The following EMC2 variants were observed in gnomAD, a reference collection of about 807,000 sequenced individuals.
EMC2 encodes the protein ER membrane protein complex subunit 2, also known as TPR repeat protein 35.
Under a neutral mutation model 51.6 loss-of-function variants are expected in EMC2, and 37 were observed. That is an observed-to-expected ratio of 0.72 (90% CI 0.55 to 0.94). EMC2 has a LOEUF of 0.94. EMC2 is among the 40% of genes least tolerant of loss of function. The probability of loss-of-function intolerance (pLI) is 0.00; values close to 1 mark genes in which losing one functional copy is unlikely to be tolerated. For missense variants in EMC2, 359 were observed against 350.9 expected (o/e 1.02, Z -0.18); for synonymous variants, 131 against 112.4 (o/e 1.17, Z -1.04).
intron 10 of EMC2, among the ~76,000 whole-genome samples, chr8:108,483,420 C>G (rs1811081583): frequency 6.6e-6 from 1 of 152,146 alleles, no homozygotes; most frequent in Non-Finnish European, 1.5e-5. Context: ...CAGACAAGCA[C>G]TGATCTGATT....
intron 10 of EMC2, among the ~76,000 whole-genome samples, chr8:108,481,889 C>T (rs1044755328): frequency 2.0e-5 from 3 of 152,008 alleles, no homozygotes; most frequent in Non-Finnish European, 2.9e-5. Context: ...CATTCATTTT[C>T]TTCTGTAGTT....
intron 10 of EMC2, among the ~76,000 whole-genome samples, chr8:108,486,117 G>A (rs1811133038): frequency 6.6e-6 from 1 of 151,862 alleles, no homozygotes; most frequent in African/African-American, 2.4e-5. Context: ...GTAAAAATCT[G>A]TTTAGACATC....
At chr8:108,462,899 T>G (rs1819365233) in intron 5 of EMC2, among the ~76,000 whole-genome samples, 1 of 151,738 alleles carries the variant, frequency 6.6e-6, no homozygotes, top group African/African-American at 2.4e-5. Context: ...AGAACATCTT[T>G]TAATATTCTT....
At chr8:108,443,825 C>T (rs1005692527) in intron 1 of EMC2, 127 bp downstream of exon 1, 17 of 781,170 alleles carry the variant, frequency 2.2e-5, no homozygotes, top group Admixed American at 6.9e-5. Flanking sequence ...ACTGTACGGG[C>T]CAAGCTGAGG....
Position 108,443,632 on chromosome 8 carries a change from A to G in EMC2, c.-27A>G, listed in dbSNP as rs1339231171. 1.9e-6 allele frequency: 3 copies of G among 1,600,066 alleles called. No homozygotes were observed. The highest frequency in any genetic ancestry group is 1.7e-5 in the Admixed American group (1 of 58,310). ...CGTGACTGCGTCTCCCCGCCCTCTC[A>G]CCCCGCTGCCTCTAGGTTCTGGGAA... is the stretch of plus-strand genomic sequence containing the variant. On this transcript the variant is annotated 5_prime_UTR_variant, in exon 1 of 11. Transcript: ENST00000220853.
intron 9 of EMC2, among the ~76,000 whole-genome samples, chr8:108,478,408 G>A (rs1303855798): frequency 6.6e-6 from 1 of 151,996 alleles, no homozygotes; most frequent in Non-Finnish European, 1.5e-5. Flanking sequence ...CTGAAACACA[G>A]TTTGAAAACT....
chr8:108,464,750 C>G (rs954204801), intron 5 of EMC2, among the ~76,000 whole-genome samples: 5 of 152,222 alleles, frequency 3.3e-5, no homozygotes. Flanking sequence ...CTGGTGAACA[C>G]AGGGAACTGC....
chr8:108,460,383 C>T (rs1426341082), intron 5 of EMC2, among the ~76,000 whole-genome samples: 1 of 151,982 alleles, frequency 6.6e-6, no homozygotes, highest in African/African-American at 2.4e-5. Flanking sequence ...CAAATGGTTC[C>T]CCTCATAGAA....
At chr8:108,470,165 T>TC in intron 7 of EMC2, 44 bp downstream of exon 7, 1 of 1,345,204 alleles carries the variant, frequency 7.4e-7, no homozygotes, top group Non-Finnish European at 1.1e-6. Flanking sequence ...GCAGTTTTCA[T>TC]CACTGTAAGT....
At chr8:108,450,634 A>AT in intron 3 of EMC2, 142 bp downstream of exon 3, 1 of 626,000 alleles carries the variant, frequency 1.6e-6, no homozygotes, top group South Asian at 1.9e-5. Context: ...CTAACTAGAT[A>AT]TTTTAGGACA....
chr8:108,461,877 T>A (rs1819330869), intron 5 of EMC2, among the ~76,000 whole-genome samples: 1 of 152,100 alleles, frequency 6.6e-6, no homozygotes, highest in Non-Finnish European at 1.5e-5. Flanking sequence ...CGCCAGGCTG[T>A]GGCTCACTGC....
rs896154887 is a variant in EMC2, at chr8:108,488,408, C to T, written c.*1810C>T. ...CTCCTGGCCTCAAGTGATCTACCCG[C>T]CTCAGCCTCCCGAAATGCTGGGATT... On this transcript the variant is annotated 3_prime_UTR_variant, in exon 11 of 11. Transcript: ENST00000220853. Among the ~76,000 whole-genome samples the T allele has an allele frequency of 1.3e-5, 2 of 152,142 alleles. No individual in the cohort carries two copies. Among genetic ancestry groups the T allele is most frequent in the African/African-American group, 4.8e-5 (2 of 41,426 alleles).
chr8:108,445,437 C>T (rs1586172009), intron 1 of EMC2, among the ~76,000 whole-genome samples: 1 of 152,076 alleles, frequency 6.6e-6, no homozygotes, highest in South Asian at 2.1e-4. Context: ...AAAGCTGGCA[C>T]ATGCTAGTCC....
intron 7 of EMC2, among the ~76,000 whole-genome samples, chr8:108,472,011 C>A (rs1238789617): frequency 6.6e-6 from 1 of 151,818 alleles, no homozygotes; most frequent in Non-Finnish European, 1.5e-5. Flanking sequence ...TTTACGAGCT[C>A]TTTTTATAAA....
At chr8:108,450,388 A>T in intron 2 of EMC2, 40 bp from the exon 3 acceptor site, 1 of 1,188,860 alleles carries the variant, frequency 8.4e-7, no homozygotes, top group South Asian at 1.2e-5. Context: ...GTTTGTTTTA[A>T]TATTAAATTC....
chr8:108,444,530 A>G (rs1443955776), intron 1 of EMC2, among the ~76,000 whole-genome samples: 1 of 152,112 alleles, frequency 6.6e-6, no homozygotes, highest in Non-Finnish European at 1.5e-5. Flanking sequence ...TTAACATAAT[A>G]CAGGAGACTT....
intron 5 of EMC2, among the ~76,000 whole-genome samples, chr8:108,464,646 C>T (rs1317226946): frequency 6.6e-6 from 1 of 152,228 alleles, no homozygotes; most frequent in African/African-American, 2.4e-5. Flanking sequence ...TTTCCATTTA[C>T]AGGAAACAGA....
intron 3 of EMC2, among the ~76,000 whole-genome samples, chr8:108,452,806 G>A (rs1206793417): frequency 4.6e-5 from 7 of 152,156 alleles, no homozygotes; most frequent in Non-Finnish European, 1.0e-4. Context: ...TACTTAAAGA[G>A]TTATTAGTGG....
At chr8:108,449,975 C>T (rs1818977431) in intron 2 of EMC2, 39 bp downstream of exon 2, 3 of 676,908 alleles carry the variant, frequency 4.4e-6, no homozygotes, top group African/African-American at 1.9e-5. Flanking sequence ...GTACATGCCT[C>T]ATTCATGGGC....
Sources: gnomAD v4.1 joint callset for allele counts (sites outside exome capture counted in the v4.1 genomes callset) on GRCh38, gnomAD v4.1.1 for gene constraint, MANE v1.5 for transcripts, NCBI Gene and HGNC (gene_info 2026-07-23, HGNC 2026-07-21) for gene names.